The following ASAP1 variants were observed in gnomAD, a reference collection of about 807,000 sequenced individuals.
ASAP1 encodes arf-GAP with SH3 domain, ANK repeat and PH domain-containing protein 1.
A neutral mutation model predicts 145.2 loss-of-function variants in ASAP1; 43 were observed. That is an observed-to-expected ratio of 0.30 (90% CI 0.23 to 0.38). ASAP1 has a LOEUF of 0.38. Ranked by LOEUF, ASAP1 falls within the 10% of genes least tolerant of loss-of-function variation. The pLI, the probability that ASAP1 is intolerant of heterozygous loss-of-function variation, is 1.00. For synonymous variants in ASAP1, 546 were observed against 515.5 expected, an observed-to-expected ratio of 1.06 and a Z score of -0.80; for missense variants, 1,018 against 1,355.3, an observed-to-expected ratio of 0.75 and a Z score of 3.91.
chr8:130,196,167 C>T (rs935319495), intron 5 of ASAP1, among the ~76,000 whole-genome samples: 3 of 152,116 alleles, frequency 2.0e-5, no homozygotes, highest in African/African-American at 7.2e-5. Context: ...TGTGGTGAAA[C>T]CCCATCTCTA....
rs1233805919 is a variant in ASAP1, at chr8:130,128,564, T to A, written c.1218-474A>T. 2.0e-5 allele frequency among the ~76,000 whole-genome samples: 3 copies of A among 152,120 alleles called. No individual in the cohort carries two copies. In the East Asian group the frequency reaches 5.8e-4, roughly 29 times the overall value. On this transcript the variant is annotated intron_variant, in intron 15 of 29. Coordinates refer to ENST00000518721, the MANE Select transcript of ASAP1 (RefSeq NM_018482.4). ...GCAAGTCCATGTCAGTGGGGACACT[T>A]AACAGTGAAAATGAAGGGATATTTC...
intron 4 of ASAP1, among the ~76,000 whole-genome samples, chr8:130,235,397 G>A (rs1818154927): frequency 6.6e-6 from 1 of 151,988 alleles, no homozygotes; most frequent in South Asian, 2.1e-4. Context: ...ACTTTACCAT[G>A]TAACCACCAC....
chr8:130,154,816 C>A (rs1015971004), intron 12 of ASAP1, among the ~76,000 whole-genome samples: 1 of 152,206 alleles, frequency 6.6e-6, no homozygotes, highest in Non-Finnish European at 1.5e-5. Flanking sequence ...GCTAGCCTTG[C>A]TGAGGAGGTA....
chr8:130,236,833 C>T, intron 4 of ASAP1, 89 bp downstream of exon 4: 1 of 973,550 alleles, frequency 1.0e-6, no homozygotes, highest in Non-Finnish European at 1.5e-6. Flanking sequence ...TGTCAAGTTT[C>T]CTATAAACTT....
chr8:130,288,058 C>T (rs936135808), intron 3 of ASAP1, among the ~76,000 whole-genome samples: 2 of 152,212 alleles, frequency 1.3e-5, no homozygotes, highest in African/African-American at 4.8e-5. Flanking sequence ...CCGACTCCTG[C>T]ATCCATGCTG....
At chr8:130,185,616 T>A (rs921415826) in intron 7 of ASAP1, among the ~76,000 whole-genome samples, 1 of 150,576 alleles carries the variant, frequency 6.6e-6, no homozygotes, top group South Asian at 2.1e-4. Context: ...GTAATCCCAA[T>A]TACTCGGGAG....
chr8:130,204,354 G>A (rs947017565), intron 5 of ASAP1, among the ~76,000 whole-genome samples: 7 of 152,166 alleles, frequency 4.6e-5, no homozygotes, highest in Non-Finnish European at 8.8e-5. Flanking sequence ...GTTGGGGACC[G>A]ATGCCCTAGA....
Position 130,072,790 on chromosome 8 carries a change from G to GGTGTGTGTGTGTGTGTGT in ASAP1, c.2701+3557_2701+3558insACACACACACACACACAC, listed in dbSNP as rs142924621. ...GTTCTGAAGGCCTGGACTTGCAATT[G>GGTGTGTGTGTGTGTGTGT]ATATGTGTGTGTGTGTGTGTGTGTG... On this transcript the variant is annotated intron_variant, in intron 27 of 29. Coordinates refer to ENST00000518721, the MANE Select transcript of ASAP1 (RefSeq NM_018482.4). 7.9e-3 allele frequency among the ~76,000 whole-genome samples: 523 copies of GGTGTGTGTGTGTGTGTGT among 66,002 alleles called. 88 individuals are homozygous for GGTGTGTGTGTGTGTGTGT. Among genetic ancestry groups the GGTGTGTGTGTGTGTGTGT allele is most frequent in the African/African-American group, 9.7e-3 (156 of 16,108 alleles). The allele number at this position is 66,002 out of a possible 152,430, so 43.3% of individuals were successfully genotyped here.
chr8:130,146,278 T>C (rs1470148986), intron 13 of ASAP1, among the ~76,000 whole-genome samples: 1 of 152,128 alleles, frequency 6.6e-6, no homozygotes, highest in Admixed American at 6.5e-5. Context: ...AAAGCCTTTT[T>C]ACCCCTTAGT....
At chr8:130,238,429 T>C (rs1371961308) in intron 3 of ASAP1, among the ~76,000 whole-genome samples, 2 of 152,104 alleles carry the variant, frequency 1.3e-5, no homozygotes, top group Non-Finnish European at 2.9e-5. Context: ...CCAAGGCATA[T>C]GTCACTGTTA....
intron 5 of ASAP1, among the ~76,000 whole-genome samples, chr8:130,207,974 T>G (rs948768029): frequency 2.0e-5 from 3 of 152,236 alleles, no homozygotes; most frequent in Non-Finnish European, 2.9e-5. Context: ...GTTTGATTTG[T>G]GTTCTGCACA....
At chr8:130,136,783 T>C (rs1223649281) in intron 14 of ASAP1, among the ~76,000 whole-genome samples, 168 bp downstream of exon 14, 2 of 152,104 alleles carry the variant, frequency 1.3e-5, no homozygotes, top group Non-Finnish European at 2.9e-5. Flanking sequence ...GTGGGCTCAG[T>C]GGAAATTAAG....
At chr8:130,217,101 T>C (rs1270892190) in intron 4 of ASAP1, among the ~76,000 whole-genome samples, 7 of 152,226 alleles carry the variant, frequency 4.6e-5, no homozygotes, top group Non-Finnish European at 7.3e-5. Flanking sequence ...AAATATGGCA[T>C]GCACCATCCA....
intron 3 of ASAP1, among the ~76,000 whole-genome samples, chr8:130,243,229 T>C (rs1818648602): frequency 2.6e-5 from 4 of 152,166 alleles, no homozygotes; most frequent in African/African-American, 9.6e-5. Context: ...AAAACATTCA[T>C]TATTGCTAAC....
In ASAP1 at chr8:130,072,658, A is replaced by G. The variant is rs535384939; in HGVS notation, c.2701+3690T>C. The stretch of plus-strand genomic sequence containing the variant: ...TGTATCCTTTGCAGTATCCTTTATG[A>G]TAAACTGGTAAATGTGTTTCCCTGA... On this transcript the variant is annotated intron_variant, in intron 27 of 29. Coordinates refer to ENST00000518721, the MANE Select transcript of ASAP1 (RefSeq NM_018482.4). Among the ~76,000 whole-genome samples the G allele has an allele frequency of 1.8e-3, 271 of 151,604 alleles. 1 individual carries two copies. The highest frequency in any genetic ancestry group is 6.3e-3 in the African/African-American group (262 of 41,324).
intron 3 of ASAP1, among the ~76,000 whole-genome samples, chr8:130,302,677 G>A (rs2670890): frequency 0.3 from 45,359 of 152,030 alleles, 6,853 homozygotes; most frequent in Non-Finnish European, 0.31. Flanking sequence ...GGAGGGGCAC[G>A]TGGGGACATC....
chr8:130,069,376 C>T (rs1190065581), intron 27 of ASAP1, among the ~76,000 whole-genome samples: 1 of 152,186 alleles, frequency 6.6e-6, no homozygotes, highest in African/African-American at 2.4e-5. Context: ...GCTGGGACTA[C>T]AGGCATGTGG....
chr8:130,112,434 AGCTTTATGAGGTCAGCCACAATGAG>A, intron 23 of ASAP1, 112 bp from the exon 24 acceptor site: 1 of 803,072 alleles, frequency 1.2e-6, no homozygotes, highest in Non-Finnish European at 2.0e-6. Context: ...TGGCTCTCTG[AGCTTTATGAGGTCAGCCACAATGAG>A]CCTCATGATG....
At position 130,367,984 on chromosome 8, in the gene ASAP1, C is replaced by G. The variant is rs150570274; in HGVS notation, c.60-9841G>C. On this transcript the variant is annotated intron_variant, in intron 2 of 29. Transcript: ENST00000518721. ...TGCCCGCCCACTGCAGAGTTTTCTT[C>G]TTAACATATGCTATTTAGTTAACGT... Among the ~76,000 whole-genome samples the G allele has an allele frequency of 6.6e-5, 10 of 152,232 alleles. 1 individual carries two copies. The East Asian group carries it at 1.9e-3, about 29-fold the overall frequency.
Sources: allele counts gnomAD v4.1 joint callset (sites outside exome capture counted in the v4.1 genomes callset), GRCh38; gene constraint gnomAD v4.1.1; transcripts MANE v1.5; gene names NCBI Gene and HGNC (gene_info 2026-07-23, HGNC 2026-07-21).